HEATR5A: variants seen among roughly 807,000 people sequenced by gnomAD.
HEATR5A encodes HEAT repeat-containing protein 5A.
In HEATR5A, 178 loss-of-function variants were observed where a neutral mutation model predicts 218.8. That is an observed-to-expected ratio of 0.81 (90% CI 0.72 to 0.92). The LOEUF is 0.92. Among genes scored for constraint, HEATR5A ranks in the 40% least tolerant of loss-of-function variants. The probability of loss-of-function intolerance (pLI) is 0.00; values close to 1 mark genes in which losing one functional copy is unlikely to be tolerated. For synonymous variants in HEATR5A, 864 were observed against 871.6 expected, an observed-to-expected ratio of 0.99 and a Z score of 0.15; for missense variants, 2,420 against 2,418.9, an observed-to-expected ratio of 1.00 and a Z score of -0.01.
rs1899983538 is a variant in HEATR5A at position 31,318,512 on chromosome 14, A to G, written c.3970-220T>C. On this transcript the variant is annotated intron_variant, in intron 25 of 35. Coordinates refer to ENST00000543095, the MANE Select transcript of HEATR5A (RefSeq NM_015473.4). ...CCCCCTTTATTTTTTTTTGAGACGG[A>G]GTCTCGCCCTGTCGCCCAGGCAGGC... Among the ~76,000 whole-genome samples the G allele has an allele frequency of 2.6e-5, 4 of 151,968 alleles. No individual in the cohort carries two copies. In the South Asian group the frequency reaches 8.3e-4, roughly 32 times the overall value.
rs147946608 is a variant in HEATR5A, at chr14:31,293,179, A to C, written c.*126T>G. On this transcript the variant is annotated 3_prime_UTR_variant, in exon 36 of 36. Coordinates refer to ENST00000543095, the MANE Select transcript of HEATR5A (RefSeq NM_015473.4). ...GTATGCTGTTACTTTGAAGAGTCAC[A>C]GCTATTTAAGGTAAAACAATCAACT... 6.1e-6 allele frequency: 4 copies of C among 656,448 alleles called. No individual in the cohort carries two copies. The highest frequency in any genetic ancestry group is 1.0e-5 in the Non-Finnish European group (4 of 393,142). 40.7% of individuals were successfully genotyped at this position (656,448 alleles called of 1,614,324 possible). A position where few individuals can be genotyped will look rare whatever the true frequency, so the allele number is the denominator to read the frequency against.
At chr14:31,400,192 CTG>C in intron 3 of HEATR5A, 107 bp downstream of exon 3, 1 of 633,150 alleles carries the variant, frequency 1.6e-6, no homozygotes. Flanking sequence ...ATGAGTAAAA[CTG>C]AGTTTGCATT....
intron 6 of HEATR5A, among the ~76,000 whole-genome samples, chr14:31,389,282 G>A (rs952941304): frequency 1.3e-5 from 2 of 152,160 alleles, no homozygotes; most frequent in Admixed American, 6.5e-5. Flanking sequence ...TTAAAAGGCT[G>A]TCTTCTAAAA....
intron 33 of HEATR5A, among the ~76,000 whole-genome samples, chr14:31,297,971 A>G (rs1397178960): frequency 6.6e-6 from 1 of 152,238 alleles, no homozygotes; most frequent in African/African-American, 2.4e-5. Context: ...TAATTTGTTT[A>G]GTAAAAATGT....
intron 28 of HEATR5A, among the ~76,000 whole-genome samples, chr14:31,310,974 C>A (rs1899728714): frequency 6.6e-6 from 1 of 152,058 alleles, no homozygotes. Flanking sequence ...TGTGAACAGT[C>A]ATTGTACTCC....
At chr14:31,405,249 C>T (rs2031019929) in intron 1 of HEATR5A, among the ~76,000 whole-genome samples, 1 of 152,022 alleles carries the variant, frequency 6.6e-6, no homozygotes, top group Non-Finnish European at 1.5e-5. Context: ...GCCTGGGCAA[C>T]ACGGCAAAAC....
At chr14:31,359,577 A>C (rs937465327) in intron 14 of HEATR5A, among the ~76,000 whole-genome samples, 2 of 151,002 alleles carry the variant, frequency 1.3e-5, no homozygotes, top group African/African-American at 4.9e-5. Flanking sequence ...AAACACAAAA[A>C]TTAGCCGGGC....
At chr14:31,359,535 T>G (rs1303485777) in intron 14 of HEATR5A, among the ~76,000 whole-genome samples, 1 of 151,664 alleles carries the variant, frequency 6.6e-6, no homozygotes, top group African/African-American at 2.4e-5. Flanking sequence ...AAGACCAGCT[T>G]GGCCAACATG....
intron 1 of HEATR5A, among the ~76,000 whole-genome samples, chr14:31,416,058 C>T (rs2031434088): frequency 6.6e-6 from 1 of 151,828 alleles, no homozygotes; most frequent in Non-Finnish European, 1.5e-5. Flanking sequence ...TCAAACGATT[C>T]TCCCACCTCA....
chr14:31,315,640 G>A, intron 27 of HEATR5A, 130 bp downstream of exon 27: 1 of 627,536 alleles, frequency 1.6e-6, no homozygotes, highest in Non-Finnish European at 2.7e-6. Context: ...ATCACATGTT[G>A]GAATTCTTTT....
At position 31,343,942 on chromosome 14, in the gene HEATR5A, A is replaced by C; in HGVS notation, c.3182T>G (p.Phe1061Cys). 1 of 1,611,836 alleles carries C rather than the reference A, an allele frequency of 6.2e-7. No individual in the cohort carries two copies. Among genetic ancestry groups the C allele is most frequent in the Non-Finnish European group, 8.5e-7 (1 of 1,179,074 alleles). Reference protein sequence around the residue: ...AISCLQQLHMFAPRHVNLSSL... With the variant: ...AISCLQQLHMCAPRHVNLSSL... ...AGACAAGTTGACATGTCGTGGAGCA[A>C]ACATATGAAGCTGCTGAAGGCAAGA... The change falls in exon 21 of 36, where the codon TTT becomes TGT. Residue 1061 changes from phenylalanine (F) to cysteine (C), a missense_variant. Coordinates refer to ENST00000543095, the MANE Select transcript of HEATR5A (RefSeq NM_015473.4).
chr14:31,400,203 T>A (rs1165469463), intron 3 of HEATR5A, 98 bp downstream of exon 3: 1 of 693,650 alleles, frequency 1.4e-6, no homozygotes, highest in Non-Finnish European at 2.3e-6. Context: ...TGAGTTTGCA[T>A]TCAGTTTCAA....
intron 2 of HEATR5A, among the ~76,000 whole-genome samples, chr14:31,400,962 C>T (rs1385828916): frequency 7.9e-5 from 12 of 151,898 alleles, no homozygotes; most frequent in African/African-American, 2.9e-4. Flanking sequence ...GGCTCAGCCT[C>T]CCGAGTAGCT....
At chr14:31,409,112 A>G (rs190031831) in intron 1 of HEATR5A, among the ~76,000 whole-genome samples, 2,113 of 143,858 alleles carry the variant, frequency 0.015, 128 homozygotes, top group Admixed American at 0.099. Context: ...CAATGGCACA[A>G]TCTTGGCTCA....
chr14:31,348,016 G>T, intron 18 of HEATR5A, 109 bp from the exon 19 acceptor site: 2 of 565,224 alleles, frequency 3.5e-6, no homozygotes, highest in Admixed American at 4.1e-5. Context: ...ATGGATAGTT[G>T]CAAAATTTAG....
At chr14:31,409,111 A>G (rs1013686487) in intron 1 of HEATR5A, among the ~76,000 whole-genome samples, 14 of 145,338 alleles carry the variant, frequency 9.6e-5, no homozygotes, top group Non-Finnish European at 2.0e-4. Flanking sequence ...GCAATGGCAC[A>G]ATCTTGGCTC....
At position 31,306,773 on chromosome 14, in the gene HEATR5A, G is replaced by A; in HGVS notation, c.4925C>T (p.Ala1642Val). The change falls in exon 31 of 36, where the codon GCT becomes GTT. Residue 1642 changes from alanine (A) to valine (V), a missense_variant. Transcript: ENST00000543095. Reference protein sequence around the residue: ...SLEVVRQIICAAQEHVKEKRR... With the variant: ...SLEVVRQIICVAQEHVKEKRR... Reference sequence around the variant, plus strand: ...TTTTTCCTTCACATGTTCTTGAGCAGCACAGATAATCTGCCTTACCACTTC... The same window carrying A: ...TTTTTCCTTCACATGTTCTTGAGCAACACAGATAATCTGCCTTACCACTTC... 1.9e-6 allele frequency: 3 copies of A among 1,613,554 alleles called. No homozygotes were observed. Among genetic ancestry groups the A allele is most frequent in the Non-Finnish European group, 2.5e-6 (3 of 1,179,658 alleles).
At chr14:31,339,675 A>C (rs2139198523) in intron 21 of HEATR5A, among the ~76,000 whole-genome samples, 1 of 152,200 alleles carries the variant, frequency 6.6e-6, no homozygotes, top group Non-Finnish European at 1.5e-5. Flanking sequence ...TTATACCTTC[A>C]AGCTGTATTA....
chr14:31,342,434 T>C (rs1595117153), intron 21 of HEATR5A, among the ~76,000 whole-genome samples: 2 of 152,246 alleles, frequency 1.3e-5, no homozygotes, highest in East Asian at 3.9e-4. Context: ...CAATAATTAA[T>C]ATAATAATAT....
Sources: gnomAD v4.1 joint callset for allele counts (sites outside exome capture counted in the v4.1 genomes callset) on GRCh38, gnomAD v4.1.1 for gene constraint, MANE v1.5 for transcripts, NCBI Gene and HGNC (gene_info 2026-07-23, HGNC 2026-07-21) for gene names.